PTPRD: variants seen among roughly 807,000 people sequenced by gnomAD.
PTPRD encodes protein tyrosine phosphatase receptor type D.
A neutral mutation model predicts 214.5 loss-of-function variants in PTPRD; 34 were observed. The ratio of observed to expected loss-of-function variants is 0.16; its 90% confidence interval spans 0.12 to 0.21. The LOEUF is 0.21. PTPRD is among the 10% of genes least tolerant of loss of function. The pLI is 1.00. For synonymous variants in PTPRD, 1,128 were observed against 845.7 expected, an observed-to-expected ratio of 1.33 and a Z score of -5.79; for missense variants, 2,545 against 2,398.7, an observed-to-expected ratio of 1.06 and a Z score of -1.27.
intron 8 of PTPRD, among the ~76,000 whole-genome samples, chr9:9,497,433 G>T (rs1303835478): frequency 6.6e-6 from 1 of 152,068 alleles, no homozygotes; most frequent in East Asian, 1.9e-4. Flanking sequence ...AGTTATTGCT[G>T]TTTTTAAATG....
chr9:9,857,326 A>G (rs543613679), intron 5 of PTPRD, among the ~76,000 whole-genome samples: 4 of 152,286 alleles, frequency 2.6e-5, no homozygotes, highest in African/African-American at 9.6e-5. Flanking sequence ...GCTACTTCCA[A>G]TTTGACTTGG....
At chr9:9,626,461 G>A (rs900975288) in intron 7 of PTPRD, among the ~76,000 whole-genome samples, 1 of 152,104 alleles carries the variant, frequency 6.6e-6, no homozygotes, top group Non-Finnish European at 1.5e-5. Flanking sequence ...CAGAACTACT[G>A]GGGGAAAATC....
At chr9:8,593,043 A>G (rs1381366418) in intron 14 of PTPRD, among the ~76,000 whole-genome samples, 1 of 152,250 alleles carries the variant, frequency 6.6e-6, no homozygotes, top group African/African-American at 2.4e-5. Context: ...ATAGGGGAAC[A>G]GCAAAAGACA....
chr9:9,607,633 T>G (rs2094250520), intron 7 of PTPRD, among the ~76,000 whole-genome samples: 1 of 152,132 alleles, frequency 6.6e-6, no homozygotes, highest in Admixed American at 6.6e-5. Context: ...GGAGAAGGTT[T>G]AACCTCAGAG....
chr9:9,372,226 C>G (rs10816099), intron 9 of PTPRD, among the ~76,000 whole-genome samples: 37,622 of 151,806 alleles, frequency 0.25, 6,123 homozygotes, highest in African/African-American at 0.45. Context: ...TAAAGTCTCC[C>G]ATTATTATTG....
chr9:9,644,013 A>G (rs2096061464), intron 7 of PTPRD, among the ~76,000 whole-genome samples: 1 of 152,192 alleles, frequency 6.6e-6, no homozygotes, highest in African/African-American at 2.4e-5. Flanking sequence ...ATTTTAACAG[A>G]AAGATTTATA....
At chr9:9,770,486 T>A (rs1025907670) in intron 5 of PTPRD, among the ~76,000 whole-genome samples, 1 of 152,194 alleles carries the variant, frequency 6.6e-6, no homozygotes, top group South Asian at 2.1e-4. Flanking sequence ...AGATGCAATA[T>A]GTTCAGTGCC....
intron 2 of PTPRD, among the ~76,000 whole-genome samples, chr9:10,532,686 A>G (rs2056715127): frequency 6.7e-6 from 1 of 149,926 alleles, no homozygotes; most frequent in South Asian, 2.1e-4. Flanking sequence ...TGCACCAGGG[A>G]ATCTCTCCTA....
chr9:9,068,555 GC>G (rs1384429686), intron 10 of PTPRD, among the ~76,000 whole-genome samples: 1 of 151,972 alleles, frequency 6.6e-6, no homozygotes, highest in Non-Finnish European at 1.5e-5. Flanking sequence ...ACACTTAATT[GC>G]TAGGACACCA....
intron 2 of PTPRD, among the ~76,000 whole-genome samples, chr9:10,387,782 C>A (rs554209453): frequency 6.8e-6 from 1 of 146,018 alleles, no homozygotes; most frequent in East Asian, 2.0e-4. Flanking sequence ...ATTACTGATA[C>A]CTGTTGAATA....
chr9:9,821,478 C>T (rs1276808731), intron 5 of PTPRD, among the ~76,000 whole-genome samples: 2 of 151,894 alleles, frequency 1.3e-5, no homozygotes, highest in Non-Finnish European at 1.5e-5. Context: ...CTGAATATTC[C>T]CTAGATATGT....
intron 9 of PTPRD, among the ~76,000 whole-genome samples, chr9:9,375,591 G>A (rs555122512): frequency 4.6e-5 from 7 of 152,118 alleles, no homozygotes; most frequent in East Asian, 1.9e-4. Flanking sequence ...GCAAGACTCC[G>A]TCTCAAAAAA....
intron 3 of PTPRD, among the ~76,000 whole-genome samples, chr9:10,224,756 C>G (rs2099583308): frequency 6.6e-6 from 1 of 152,016 alleles, no homozygotes; most frequent in African/African-American, 2.4e-5. Context: ...CAACTCTCCT[C>G]TTCCTCCTCC....
intron 11 of PTPRD, among the ~76,000 whole-genome samples, chr9:8,856,893 AG>A: frequency 6.6e-6 from 1 of 152,340 alleles, no homozygotes; most frequent in East Asian, 1.9e-4. Context: ...AAGCAATGCA[AG>A]TTTTCTACAC....
chr9:9,467,588 C>CAAAAAAAAAAAGAAA (rs2094289049), intron 8 of PTPRD, among the ~76,000 whole-genome samples: 1 of 55,954 alleles, frequency 1.8e-5, no homozygotes, highest in Non-Finnish European at 3.2e-5. Context: ...CTCCATCTCC[C>CAAAAAAAAAAAGAAA]AAAAAAAAAA....
intron 9 of PTPRD, among the ~76,000 whole-genome samples, chr9:9,217,328 A>C (rs900339239): frequency 1.1e-4 from 16 of 152,190 alleles, no homozygotes; most frequent in African/African-American, 3.9e-4. Flanking sequence ...GTGGCACCTC[A>C]TAAGTGTTTT....
intron 3 of PTPRD, among the ~76,000 whole-genome samples, chr9:10,104,155 G>A (rs1430646644): frequency 6.6e-6 from 1 of 151,640 alleles, no homozygotes; most frequent in Non-Finnish European, 1.5e-5. Flanking sequence ...TGGGTGCCAG[G>A]GGCTGGGAGA....
intron 11 of PTPRD, 65 bp from the exon 12 acceptor site, chr9:8,734,011 T>G (rs2098689824): frequency 3.1e-6 from 2 of 646,430 alleles, no homozygotes; most frequent in African/African-American, 3.6e-5. Flanking sequence ...TTTCTTACTC[T>G]TTCCCCCCTG....
chr9:9,836,045 T>C (rs2056653132), intron 5 of PTPRD, among the ~76,000 whole-genome samples: 1 of 152,182 alleles, frequency 6.6e-6, no homozygotes, highest in Non-Finnish European at 1.5e-5. Context: ...AAAGTGTATG[T>C]TACTGCTCAC....
Sources: allele counts gnomAD v4.1 joint callset (sites outside exome capture counted in the v4.1 genomes callset), GRCh38; gene constraint gnomAD v4.1.1; transcripts MANE v1.5; gene names NCBI Gene and HGNC (gene_info 2026-07-23, HGNC 2026-07-21).